CSMD1: variants seen among roughly 807,000 people sequenced by gnomAD.
CSMD1 encodes CUB and Sushi multiple domains 1, also known as CUB and sushi domain-containing protein 1.
A neutral mutation model predicts 417.5 loss-of-function variants in CSMD1; 213 were observed. The observed-to-expected ratio is 0.51, with a 90% CI of 0.46 to 0.57. The LOEUF (loss-of-function observed/expected upper bound fraction) is 0.57, where lower values mean the gene tolerates loss of function less well. CSMD1 is among the 20% of genes least tolerant of loss of function. The pLI, the probability that CSMD1 is intolerant of heterozygous loss-of-function variation, is 0.00. For missense variants in CSMD1, 6,923 were observed against 4,529.7 expected, an observed-to-expected ratio of 1.53 and a Z score of -15.17; for synonymous variants, 2,862 against 1,736.8, an observed-to-expected ratio of 1.65 and a Z score of -16.11.
chr8:3,876,220 CT>C (rs1388042228), intron 5 of CSMD1, among the ~76,000 whole-genome samples: 1 of 152,148 alleles, frequency 6.6e-6, no homozygotes, highest in African/African-American at 2.4e-5. Flanking sequence ...CCTCTCACCC[CT>C]GATATCGCTA....
At chr8:3,244,060 A>G (rs2116990605) in intron 26 of CSMD1, among the ~76,000 whole-genome samples, 1 of 152,304 alleles carries the variant, frequency 6.6e-6, no homozygotes, top group East Asian at 1.9e-4. Context: ...TACATAAAGC[A>G]ATACCAATAT....
intron 3 of CSMD1, among the ~76,000 whole-genome samples, chr8:4,077,297 G>GTATATATATATATATA (rs200304943): frequency 1.6e-4 from 19 of 121,290 alleles, no homozygotes; most frequent in African/African-American, 4.6e-4. Flanking sequence ...ATATATATGT[G>GTATATATATATATATA]TATATATATA....
At chr8:4,066,565 A>G (rs541309167) in intron 3 of CSMD1, among the ~76,000 whole-genome samples, 31 of 152,340 alleles carry the variant, frequency 2.0e-4, no homozygotes, top group Middle Eastern at 3.4e-3. Context: ...GACTTGTTAC[A>G]TGATGTGGTA....
At chr8:3,047,213 CAAAAAAAAAAAAAAAA>C (rs749861179) in intron 50 of CSMD1, among the ~76,000 whole-genome samples, 1 of 73,094 alleles carries the variant, frequency 1.4e-5, no homozygotes, top group African/African-American at 6.9e-5. Flanking sequence ...GACTCCCTCT[CAAAAAAAAAAAAAAAA>C]AAAAAAAAAG....
rs551507161 is a variant in CSMD1 at position 4,258,797 on chromosome 8, G to A, written c.415+161156C>T. On this transcript the variant is annotated intron_variant, in intron 3 of 69. Coordinates refer to ENST00000635120, the MANE Select transcript of CSMD1 (RefSeq NM_033225.6). ...TGTGTAACCAGCTGAATATTTAGAGGCAACTCTAAGGGCACAGCAGCAGAA... is the reference window on the plus strand; with the variant it reads ...TGTGTAACCAGCTGAATATTTAGAGACAACTCTAAGGGCACAGCAGCAGAA... Among the ~76,000 whole-genome samples the A allele has an allele frequency of 2.6e-5, 4 of 152,154 alleles. No individual in the cohort carries two copies. In the South Asian group the frequency reaches 8.3e-4, roughly 32 times the overall value.
chr8:3,182,815 G>GGACTCCGGCTGA (rs1554454736), intron 36 of CSMD1, among the ~76,000 whole-genome samples: 22 of 97,694 alleles, frequency 2.3e-4, no homozygotes, highest in African/African-American at 8.2e-4. Flanking sequence ...TGGTCTCGGG[G>GGACTCCGGCTGA]GACTCTGGCT....
chr8:4,111,319 G>A (rs1241617248), intron 3 of CSMD1, among the ~76,000 whole-genome samples: 4 of 152,252 alleles, frequency 2.6e-5, no homozygotes, highest in Middle Eastern at 6.8e-3. Context: ...GCTGAAGAAA[G>A]AATCTGCTGT....
chr8:3,024,299 G>C (rs370916256), intron 51 of CSMD1, among the ~76,000 whole-genome samples: 24 of 149,368 alleles, frequency 1.6e-4, no homozygotes, highest in African/African-American at 3.0e-4. Flanking sequence ...TTTTTTTTGG[G>C]GGGGGAGGGC....
Position 2,951,139 on chromosome 8 carries a change from G to A in CSMD1, c.10176C>T (p.Ala3392=). Residue 3392 remains alanine (A), a synonymous_variant, in exon 66 of 70, where the codon GCC becomes GCT. Coordinates refer to ENST00000635120, the MANE Select transcript of CSMD1 (RefSeq NM_033225.6). ...CTGTCAACTTCAGCTCCACTGGCGA[G>A]GCTTCGCTGAAGGTGGCATTCACCT... ...SSKVNATFSE[A]SPVELKLTGI... The A allele has an allele frequency of 6.2e-7, 1 of 1,613,430 alleles. No individual in the cohort carries two copies. The highest frequency in any genetic ancestry group is 1.1e-5 in the South Asian group (1 of 91,038).
Position 3,209,113 on chromosome 8 carries a change from A to C in CSMD1, c.4868-3493T>G, listed in dbSNP as rs551470462. ...ACATTTTTGAAAAGTCAAAGATGAA[A>C]TTCAGGAAAACTGACTCAGAACTTT... is the stretch of plus-strand genomic sequence containing the variant. On this transcript the variant is annotated intron_variant, in intron 30 of 69. Transcript: ENST00000635120. Among the ~76,000 whole-genome samples the C allele has an allele frequency of 3.9e-4, 60 of 152,302 alleles. No individual in the cohort carries two copies. The South Asian group carries it at 0.011, about 29-fold the overall frequency.
chr8:4,359,946 C>T (rs1436807369), intron 3 of CSMD1, among the ~76,000 whole-genome samples: 1 of 152,238 alleles, frequency 6.6e-6, no homozygotes, highest in Non-Finnish European at 1.5e-5. Context: ...TGCTTCCCTA[C>T]TGGAGATCTT....
At chr8:3,447,154 G>T (rs570532729) in intron 12 of CSMD1, among the ~76,000 whole-genome samples, 1 of 152,058 alleles carries the variant, frequency 6.6e-6, no homozygotes, top group Non-Finnish European at 1.5e-5. Context: ...AAAGAGCCAC[G>T]GGCACTGATG....
At chr8:3,233,011 T>C (rs1374745523) in intron 26 of CSMD1, among the ~76,000 whole-genome samples, 1 of 152,206 alleles carries the variant, frequency 6.6e-6, no homozygotes, top group African/African-American at 2.4e-5. Flanking sequence ...TTAAATATTA[T>C]TGTTTGACAT....
intron 2 of CSMD1, among the ~76,000 whole-genome samples, chr8:4,493,667 A>C (rs1801836989): frequency 6.6e-6 from 1 of 152,200 alleles, no homozygotes; most frequent in Admixed American, 6.5e-5. Flanking sequence ...TGTACTCCAG[A>C]TCGAGTGAGA....
intron 1 of CSMD1, among the ~76,000 whole-genome samples, chr8:4,871,088 G>C (rs1244660584): frequency 1.3e-5 from 2 of 152,142 alleles, no homozygotes; most frequent in Non-Finnish European, 2.9e-5. Context: ...TCTGGCCTGG[G>C]CCATGGGAGG....
chr8:3,779,722 C>T (rs1322837540), intron 5 of CSMD1, among the ~76,000 whole-genome samples: 1 of 152,114 alleles, frequency 6.6e-6, no homozygotes, highest in Non-Finnish European at 1.5e-5. Context: ...TTTATATCTG[C>T]AGAACATAAA....
chr8:4,754,363 C>G (rs1016274991), intron 1 of CSMD1, among the ~76,000 whole-genome samples: 1 of 152,160 alleles, frequency 6.6e-6, no homozygotes. Context: ...ACAGCGCTAT[C>G]CCACCCACAT....
intron 1 of CSMD1, among the ~76,000 whole-genome samples, chr8:4,721,327 A>T (rs1809038827): frequency 6.6e-6 from 1 of 152,222 alleles, no homozygotes; most frequent in South Asian, 2.1e-4. Flanking sequence ...GGGTTTGATG[A>T]GTAGAACAAT....
intron 29 of CSMD1, among the ~76,000 whole-genome samples, chr8:3,216,330 A>G (rs1797879354): frequency 1.3e-5 from 2 of 152,164 alleles, no homozygotes; most frequent in Non-Finnish European, 2.9e-5. Context: ...CTGATATTTT[A>G]TTTAATCATT....
Sources: allele counts gnomAD v4.1 joint callset (sites outside exome capture counted in the v4.1 genomes callset), GRCh38; gene constraint gnomAD v4.1.1; transcripts MANE v1.5; gene names NCBI Gene and HGNC (gene_info 2026-07-23, HGNC 2026-07-21).